Variants in SEZ6L observed in about 807,000 individuals in gnomAD.
The protein encoded by SEZ6L is seizure 6-like protein.
A neutral mutation model predicts 106.2 loss-of-function variants in SEZ6L; 37 were observed. The ratio of observed to expected loss-of-function variants is 0.35; its 90% CI spans 0.27 to 0.46. The LOEUF (loss-of-function observed/expected upper bound fraction) is 0.46. Among genes scored for constraint, SEZ6L ranks in the 20% least tolerant of loss-of-function variants. SEZ6L has a pLI of 1.00. For missense variants in SEZ6L, 1,172 were observed against 1,332.8 expected (o/e 0.88, Z 1.88); for synonymous variants, 541 against 570.4 (o/e 0.95, Z 0.73).
At chr22:26,246,277 A>G (rs2079340217) in intron 1 of SEZ6L, among the ~76,000 whole-genome samples, 1 of 152,238 alleles carries the variant, frequency 6.6e-6, no homozygotes, top group African/African-American at 2.4e-5. Context: ...TGTTGTAGAA[A>G]GACACCTTCC....
At position 26,262,201 on chromosome 22, in the gene SEZ6L, A is replaced by G. The variant is rs907574770; in HGVS notation, c.95-30205A>G. On this transcript the variant is annotated intron_variant, in intron 1 of 16. Transcript: ENST00000248933. The stretch of plus-strand genomic sequence containing the variant: ...CAAACAAATATATATTTATATTGAT[A>G]TATAAAAGATATATATATGCACCTT... Among the ~76,000 whole-genome samples, 4 of 149,474 alleles carry G rather than the reference A, an allele frequency of 2.7e-5. No individual in the cohort carries two copies. In the Admixed American group the frequency reaches 2.7e-4, roughly 10 times the overall value.
chr22:26,218,658 T>C (rs1304765316), intron 1 of SEZ6L, among the ~76,000 whole-genome samples: 2 of 151,686 alleles, frequency 1.3e-5, no homozygotes, highest in Non-Finnish European at 2.9e-5. Context: ...AAAAATTAGC[T>C]GGGTGTAGTG....
intron 12 of SEZ6L, chr22:26,351,447 T>C (rs758714184): frequency 2.6e-5 from 13 of 494,762 alleles, no homozygotes; most frequent in African/African-American, 2.0e-4. Flanking sequence ...CGCGTTGCTC[T>C]AAGTCTTCTA....
chr22:26,201,018 T>A (rs905939820), intron 1 of SEZ6L, among the ~76,000 whole-genome samples: 1 of 152,142 alleles, frequency 6.6e-6, no homozygotes, highest in Admixed American at 6.5e-5. Context: ...ACAGGGCTGG[T>A]TCCCCCAACA....
chr22:26,353,983 T>A (rs1010117400), intron 12 of SEZ6L, among the ~76,000 whole-genome samples: 6 of 149,450 alleles, frequency 4.0e-5, no homozygotes, highest in Non-Finnish European at 5.9e-5. Flanking sequence ...TTGGACACAG[T>A]GTCTTCGACA....
chr22:26,197,952 G>A (rs1369107761), intron 1 of SEZ6L, among the ~76,000 whole-genome samples: 1 of 152,168 alleles, frequency 6.6e-6, no homozygotes, highest in Non-Finnish European at 1.5e-5. Flanking sequence ...ACCCTGGCAT[G>A]GTCGTCTCTC....
intron 6 of SEZ6L, among the ~76,000 whole-genome samples, chr22:26,310,467 C>T (rs2081785041): frequency 6.6e-6 from 1 of 152,002 alleles, no homozygotes; most frequent in Non-Finnish European, 1.5e-5. Flanking sequence ...ACCTGGGAGG[C>T]GGAGGTTGCA....
intron 9 of SEZ6L, among the ~76,000 whole-genome samples, chr22:26,322,501 G>A (rs916161851): frequency 1.1e-4 from 16 of 152,198 alleles, no homozygotes; most frequent in Non-Finnish European, 4.4e-5. Flanking sequence ...GAGTTGAGGA[G>A]GTAGAGGGGA....
intron 9 of SEZ6L, among the ~76,000 whole-genome samples, chr22:26,324,241 A>G (rs938653999): frequency 2.6e-5 from 4 of 152,012 alleles, no homozygotes; most frequent in African/African-American, 7.2e-5. Context: ...ACATACATCC[A>G]TCTCTGCAGG....
intron 12 of SEZ6L, among the ~76,000 whole-genome samples, chr22:26,363,629 G>T (rs5997079): frequency 6.6e-6 from 1 of 152,160 alleles, no homozygotes; most frequent in African/African-American, 2.4e-5. Flanking sequence ...GAGATTCATC[G>T]TGCAAAATGA....
intron 5 of SEZ6L, among the ~76,000 whole-genome samples, chr22:26,300,328 C>T (rs539034630): frequency 2.6e-5 from 4 of 152,222 alleles, no homozygotes; most frequent in Non-Finnish European, 4.4e-5. Flanking sequence ...CAACAGGCCC[C>T]GGTGTGTGAT....
At chr22:26,286,646 G>C (rs1170130466) in intron 1 of SEZ6L, among the ~76,000 whole-genome samples, 1 of 151,678 alleles carries the variant, frequency 6.6e-6, no homozygotes, top group Non-Finnish European at 1.5e-5. Flanking sequence ...GTACCTGCAT[G>C]ATGATATGTT....
At chr22:26,219,254 G>GTTTT (rs10635478) in intron 1 of SEZ6L, among the ~76,000 whole-genome samples, 42,803 of 134,638 alleles carry the variant, frequency 0.32, 7,732 homozygotes, top group East Asian at 0.42. Context: ...AGAAATACAA[G>GTTTT]TTTTTTTTTT....
intron 1 of SEZ6L, among the ~76,000 whole-genome samples, chr22:26,240,554 G>A (rs904948720): frequency 1.3e-5 from 2 of 152,126 alleles, no homozygotes; most frequent in Admixed American, 6.6e-5. Context: ...AAAATTGCTT[G>A]AGGCAATTTA....
chr22:26,293,854 C>T (rs1601409713), intron 2 of SEZ6L, among the ~76,000 whole-genome samples: 1 of 152,148 alleles, frequency 6.6e-6, no homozygotes, highest in Admixed American at 6.5e-5. Flanking sequence ...TCTTCTCTAC[C>T]ATCTTTAAAA....
chr22:26,272,501 G>A (rs547456684), intron 1 of SEZ6L, among the ~76,000 whole-genome samples: 1 of 152,274 alleles, frequency 6.6e-6, no homozygotes, highest in Admixed American at 6.5e-5. Context: ...TTATGCCCAG[G>A]GGAAAACTCA....
chr22:26,370,258 G>A (rs1290012610), intron 13 of SEZ6L, among the ~76,000 whole-genome samples: 8 of 151,858 alleles, frequency 5.3e-5, no homozygotes, highest in African/African-American at 1.9e-4. Context: ...GGTGGCGGGC[G>A]CCTGTAGTCC....
chr22:26,351,513 T>TTTTGTTTG (rs1184191772), intron 12 of SEZ6L: 1 of 321,520 alleles, frequency 3.1e-6, no homozygotes, highest in Middle Eastern at 8.8e-4. Context: ...TACTTTGTTT[T>TTTTGTTTG]TTTGTTTGTT....
At chr22:26,328,963 G>T (rs2082400580) in intron 9 of SEZ6L, among the ~76,000 whole-genome samples, 1 of 152,072 alleles carries the variant, frequency 6.6e-6, no homozygotes, top group African/African-American at 2.4e-5. Flanking sequence ...TCCACCCCCA[G>T]GGTTTCTGAT....
Sources: gnomAD v4.1 joint callset for allele counts (sites outside exome capture counted in the v4.1 genomes callset) on GRCh38, gnomAD v4.1.1 for gene constraint, MANE v1.5 for transcripts, NCBI Gene and HGNC (gene_info 2026-07-23, HGNC 2026-07-21) for gene names.